The following OSTN variants were observed in gnomAD, a reference collection of about 807,000 sequenced individuals.
The protein encoded by OSTN is osteocrin.
A neutral mutation model predicts 12.0 loss-of-function variants in OSTN; 9 were observed. That is an observed-to-expected ratio of 0.75 (90% confidence interval 0.45 to 1.30). The LOEUF is 1.30. Among genes scored for constraint, OSTN ranks in the 50% most tolerant of loss-of-function variants. The probability of loss-of-function intolerance (pLI) is 0.00; values close to 1 mark genes in which losing one functional copy is unlikely to be tolerated. For synonymous variants in OSTN, 59 were observed against 56.9 expected (o/e 1.04, Z -0.16); for missense variants, 148 against 152.3 (o/e 0.97, Z 0.15).
In OSTN at chr3:191,224,553, T is replaced by G. The variant is rs961996400; in HGVS notation, c.317+5592T>G. On this transcript the variant is annotated intron_variant, in intron 3 of 4. Transcript: ENST00000682035. ...TACAATAATAGAGAATATAACTTATTTTCCAGTGAATATGGAACATTTATA... is the reference window on the plus strand; with the variant it reads ...TACAATAATAGAGAATATAACTTATGTTCCAGTGAATATGGAACATTTATA... Among the ~76,000 whole-genome samples, 10 of 152,148 alleles carry G rather than the reference T, an allele frequency of 6.6e-5. 1 individual carries two copies. Among genetic ancestry groups the G allele is most frequent in the African/African-American group, 2.4e-4 (10 of 41,452 alleles).
chr3:191,200,983 C>T (rs1173440832), intron 1 of OSTN, among the ~76,000 whole-genome samples: 1 of 152,148 alleles, frequency 6.6e-6, no homozygotes, highest in African/African-American at 2.4e-5. Context: ...CCCTCAGGAG[C>T]TTGTGGGGAT....
intron 3 of OSTN, among the ~76,000 whole-genome samples, chr3:191,244,516 T>G (rs1715388510): frequency 6.6e-6 from 1 of 150,452 alleles, no homozygotes; most frequent in Non-Finnish European, 1.5e-5. Flanking sequence ...ATTCTCTATC[T>G]AACATTAATT....
chr3:191,233,243 C>T (rs887823440), intron 3 of OSTN, among the ~76,000 whole-genome samples: 2 of 152,124 alleles, frequency 1.3e-5, no homozygotes, highest in Admixed American at 1.3e-4. Context: ...AAATAAAGAA[C>T]CACCTGTTGT....
At chr3:191,230,834 A>G (rs767586100) in intron 3 of OSTN, among the ~76,000 whole-genome samples, 1 of 152,168 alleles carries the variant, frequency 6.6e-6, no homozygotes, top group Non-Finnish European at 1.5e-5. Flanking sequence ...AGAATTTAGT[A>G]AAATAATTGA....
intron 4 of OSTN, among the ~76,000 whole-genome samples, chr3:191,258,987 T>C (rs1263009958): frequency 6.6e-6 from 1 of 151,496 alleles, no homozygotes; most frequent in Non-Finnish European, 1.5e-5. Flanking sequence ...GAGAGCAGAG[T>C]TTTAGACCTC....
chr3:191,260,214 T>C (rs1443125198), intron 4 of OSTN, among the ~76,000 whole-genome samples: 2 of 152,106 alleles, frequency 1.3e-5, no homozygotes, highest in Non-Finnish European at 2.9e-5. Context: ...ATTTTTTTTT[T>C]TTAATTTAGG....
At chr3:191,252,646 G>A (rs908900607) in intron 4 of OSTN, among the ~76,000 whole-genome samples, 1 of 152,064 alleles carries the variant, frequency 6.6e-6, no homozygotes, top group Admixed American at 6.6e-5. Flanking sequence ...CTGTTCGACC[G>A]TTTTGTTTCT....
At chr3:191,255,680 T>G (rs1715654107) in intron 4 of OSTN, among the ~76,000 whole-genome samples, 1 of 152,112 alleles carries the variant, frequency 6.6e-6, no homozygotes, top group African/African-American at 2.4e-5. Flanking sequence ...GTATGCTTTA[T>G]CCAATCTGTT....
intron 3 of OSTN, among the ~76,000 whole-genome samples, chr3:191,243,842 A>G (rs1310136084): frequency 6.6e-6 from 1 of 152,136 alleles, no homozygotes; most frequent in Non-Finnish European, 1.5e-5. Context: ...TACATTGTTC[A>G]TCGTACTCAA....
intron 3 of OSTN, among the ~76,000 whole-genome samples, chr3:191,246,779 A>T (rs1715444164): frequency 6.6e-6 from 1 of 150,456 alleles, no homozygotes; most frequent in Non-Finnish European, 1.5e-5. Context: ...GAGGAGAAGA[A>T]CTAGAGGCCA....
At chr3:191,260,571 G>A (rs1363446363) in intron 4 of OSTN, among the ~76,000 whole-genome samples, 2 of 152,164 alleles carry the variant, frequency 1.3e-5, no homozygotes, top group East Asian at 3.9e-4. Context: ...AACAACGGCT[G>A]AGAAAACAAA....
At chr3:191,246,067 C>CAAAAAAAA (rs149962240) in intron 3 of OSTN, among the ~76,000 whole-genome samples, 2 of 60,320 alleles carry the variant, frequency 3.3e-5, no homozygotes, top group Non-Finnish European at 6.0e-5. Context: ...AACTCTGTCT[C>CAAAAAAAA]AAAAAAAAAA....
At chr3:191,210,764 G>T (rs994247028) in intron 1 of OSTN, among the ~76,000 whole-genome samples, 1 of 152,078 alleles carries the variant, frequency 6.6e-6, no homozygotes, top group Non-Finnish European at 1.5e-5. Context: ...ATTCATAAAG[G>T]ATGAAGTTGG....
At chr3:191,244,547 C>A (rs1715388840) in intron 3 of OSTN, among the ~76,000 whole-genome samples, 1 of 148,774 alleles carries the variant, frequency 6.7e-6, no homozygotes, top group Admixed American at 6.7e-5. Flanking sequence ...TACATTCATG[C>A]CAGTAATGTG....
chr3:191,256,000 A>G (rs1161664916), intron 4 of OSTN, among the ~76,000 whole-genome samples: 1 of 152,102 alleles, frequency 6.6e-6, no homozygotes, highest in African/African-American at 2.4e-5. Context: ...AAAGAAGCAA[A>G]CTTTGGATTG....
intron 3 of OSTN, among the ~76,000 whole-genome samples, chr3:191,240,419 TA>T (rs1219921378): frequency 6.6e-6 from 1 of 152,242 alleles, no homozygotes; most frequent in African/African-American, 2.4e-5. Flanking sequence ...AAGTTTTTCC[TA>T]AGTTTTCTAA....
At chr3:191,205,901 A>C (rs1576921099) in intron 1 of OSTN, among the ~76,000 whole-genome samples, 1 of 152,128 alleles carries the variant, frequency 6.6e-6, no homozygotes, top group Non-Finnish European at 1.5e-5. Context: ...AATCCTAAGT[A>C]AGGCCTGGCA....
chr3:191,215,870 T>A (rs371589411), intron 2 of OSTN, among the ~76,000 whole-genome samples: 10 of 152,250 alleles, frequency 6.6e-5, no homozygotes, highest in African/African-American at 2.4e-4. Context: ...AAGCTGTCGG[T>A]GGAGCTATCC....
At chr3:191,203,195 G>A (rs1399981317) in intron 1 of OSTN, among the ~76,000 whole-genome samples, 1 of 152,126 alleles carries the variant, frequency 6.6e-6, no homozygotes, top group East Asian at 1.9e-4. Flanking sequence ...CCGCATTCCT[G>A]TTTACCTTCC....
Sources: gnomAD v4.1 joint callset for allele counts (sites outside exome capture counted in the v4.1 genomes callset) on GRCh38, gnomAD v4.1.1 for gene constraint, MANE v1.5 for transcripts, NCBI Gene and HGNC (gene_info 2026-07-23, HGNC 2026-07-21) for gene names.